CEACAM21: variants seen among roughly 807,000 people sequenced by gnomAD.
CEACAM21 encodes cell adhesion molecule CEACAM21.
A neutral mutation model predicts 33.2 loss-of-function variants in CEACAM21; 38 were observed. The ratio of observed to expected loss-of-function variants is 1.14; its 90% CI spans 0.88 to 1.50. The LOEUF (loss-of-function observed/expected upper bound fraction) is 1.50. Among genes scored for constraint, CEACAM21 ranks in the 40% most tolerant of loss-of-function variants. CEACAM21 has a pLI of 0.00. For synonymous variants in CEACAM21, 156 were observed against 143.0 expected (o/e 1.09, Z -0.65); for missense variants, 385 against 364.6 (o/e 1.06, Z -0.46).
At chr19:41,579,249 A>G (rs782722813) in intron 2 of CEACAM21, 104 bp from the exon 3 acceptor site, 5 of 1,590,348 alleles carry the variant, frequency 3.1e-6, no homozygotes, top group East Asian at 2.3e-5. Context: ...CCTGTCCTTC[A>G]TCTTTCTCCT....
chr19:41,555,664 T>A (rs117166918), intron 1 of CEACAM21, among the ~76,000 whole-genome samples: 2 of 152,004 alleles, frequency 1.3e-5, no homozygotes, highest in East Asian at 3.8e-4. Flanking sequence ...ACACAATTTT[T>A]CCACACTGCA....
At chr19:41,570,715 C>A (rs1860255) in intron 2 of CEACAM21, among the ~76,000 whole-genome samples, 5 of 152,034 alleles carry the variant, frequency 3.3e-5, no homozygotes, top group African/African-American at 1.2e-4. Flanking sequence ...AAATCTAGAG[C>A]GTGGAGGGCT....
At chr19:41,581,555 G>A (rs2043388198) in intron 3 of CEACAM21, among the ~76,000 whole-genome samples, 1 of 152,148 alleles carries the variant, frequency 6.6e-6, no homozygotes, top group Non-Finnish European at 1.5e-5. Context: ...TGCTGATAAA[G>A]ACATACCTGA....
At chr19:41,577,597 A>G (rs1279496764) in intron 2 of CEACAM21, 38 bp downstream of exon 2, 5 of 1,606,220 alleles carry the variant, frequency 3.1e-6, no homozygotes, top group East Asian at 2.2e-5. Flanking sequence ...GTTGGGGGTC[A>G]GTTCTGCTTC....
Position 41,577,336 on chromosome 19 carries a change from G to A in CEACAM21, c.201G>A (p.Trp67Ter), listed in dbSNP as rs782741555. 9 of 1,614,056 alleles carry A rather than the reference G, an allele frequency of 5.6e-6. 1 individual carries two copies. The South Asian group carries it at 8.8e-5, about 16-fold the overall frequency. The stretch of plus-strand genomic sequence containing the variant: ...CCGAGAATCTTTACAGCTATGGCTG[G>A]TACAAAGGGAAAACGGTGGAGCCCA... Reference protein sequence around the residue: ...YLPENLYSYGWYKGKTVEPNQ... With the variant: ...YLPENLYSYG Residue 67 changes from tryptophan to a stop codon, truncating the protein, a stop_gained, in exon 2 of 7, where the codon TGG becomes TGA. Coordinates refer to ENST00000401445, the MANE Select transcript of CEACAM21 (RefSeq NM_001098506.4). LOFTEE classifies it high-confidence loss of function.
rs2042933617 is a variant in CEACAM21 at position 41,576,254 on chromosome 19, A to G, written c.-21A>G. 1 of 1,613,906 alleles carries G rather than the reference A, an allele frequency of 6.2e-7. No individual in the cohort carries two copies. On this transcript the variant is annotated 5_prime_UTR_variant, in exon 1 of 7. Coordinates refer to ENST00000401445, the MANE Select transcript of CEACAM21 (RefSeq NM_001098506.4). ...CCCAAGCTCCTCTCCACAGAGGAGG[A>G]CAGAGCAGGCAGCAGAGACCATGGG...
chr19:41,577,554 T>A lies in CEACAM21; in HGVS notation c.419T>A (p.Val140Glu). ...QIEQASHHLR[V>E]YESVAQPSIQ... ...GAACAGGCATCTCACCATCTCCGTG[T>A]ATACGGTGAGTGATTCCTCCGTGCC... The change falls in exon 2 of 7, where the codon GTA becomes GAA. Residue 140 changes from valine to glutamate, a missense_variant. Coordinates refer to ENST00000401445, the MANE Select transcript of CEACAM21 (RefSeq NM_001098506.4). 1 of 1,613,358 alleles carries A rather than the reference T, an allele frequency of 6.2e-7. No homozygotes were observed. The highest frequency in any genetic ancestry group is 8.5e-7 in the Non-Finnish European group (1 of 1,179,868).
At chr19:41,572,523 C>T (rs57332324), upstream of CEACAM21, among the ~76,000 whole-genome samples, 170 of 152,238 alleles carry the variant, frequency 1.1e-3, 1 homozygote, top group African/African-American at 3.8e-3. Flanking sequence ...AGGCACCAAC[C>T]CCGATGCCCT....
chr19:41,564,117 C>T (rs2042087299), intron 1 of CEACAM21, among the ~76,000 whole-genome samples: 2 of 152,046 alleles, frequency 1.3e-5, no homozygotes, highest in African/African-American at 4.8e-5. Flanking sequence ...GGTGAGCAAT[C>T]GTAGAAATTC....
intron 2 of CEACAM21, among the ~76,000 whole-genome samples, chr19:41,567,954 T>C (rs2042372785): frequency 1.3e-5 from 2 of 151,954 alleles, no homozygotes; most frequent in Admixed American, 6.6e-5. Flanking sequence ...TGTTTTGGGA[T>C]TGGCTTCCTT....
intron 4 of CEACAM21, among the ~76,000 whole-genome samples, chr19:41,585,115 C>T (rs1380126460): frequency 6.6e-6 from 1 of 152,136 alleles, no homozygotes; most frequent in Non-Finnish European, 1.5e-5. Context: ...CCCTGCTTTC[C>T]CCCTGGTGCC....
chr19:41,557,441 A>T (rs1600142248), intron 1 of CEACAM21, among the ~76,000 whole-genome samples: 1 of 152,248 alleles, frequency 6.6e-6, no homozygotes, highest in Non-Finnish European at 1.5e-5. Flanking sequence ...ATTATATTGT[A>T]GTTGGTAAAT....
At chr19:41,584,687 C>T (rs80270538) in intron 4 of CEACAM21, among the ~76,000 whole-genome samples, 1 of 152,284 alleles carries the variant, frequency 6.6e-6, no homozygotes, top group East Asian at 1.9e-4. Context: ...TCCTAGTTTC[C>T]TAGCACAGCA....
At chr19:41,566,841 T>C (rs1241531040) in intron 2 of CEACAM21, among the ~76,000 whole-genome samples, 2 of 152,218 alleles carry the variant, frequency 1.3e-5, no homozygotes, top group African/African-American at 4.8e-5. Flanking sequence ...TACTGATTAT[T>C]GCTCTATTCA....
intron 1 of CEACAM21, chr19:41,549,560 C>A (rs1345451627): frequency 1.3e-5 from 2 of 152,162 alleles, no homozygotes; most frequent in African/African-American, 2.4e-5. Flanking sequence ...CAGGTATTAG[C>A]TTTTCTCTTT....
At chr19:41,550,437 C>A (rs1555783915) in intron 1 of CEACAM21, 1 of 152,164 alleles carries the variant, frequency 6.6e-6, no homozygotes, top group Non-Finnish European at 1.5e-5. Flanking sequence ...GAAAAAATCA[C>A]GTACAAAATA....
chr19:41,581,976 C>T (rs2043427256), intron 3 of CEACAM21, among the ~76,000 whole-genome samples: 1 of 152,192 alleles, frequency 6.6e-6, no homozygotes, highest in South Asian at 2.1e-4. Flanking sequence ...ACCCAAAAGT[C>T]CAAGTCCAAA....
At position 41,585,884 on chromosome 19, in the gene CEACAM21, GTTCCCAA is replaced by G; in HGVS notation, c.*15_*21del. The G allele has an allele frequency of 6.2e-7, 1 of 1,612,344 alleles. No individual in the cohort carries two copies. Among genetic ancestry groups the G allele is most frequent in the Non-Finnish European group, 8.5e-7 (1 of 1,179,206 alleles). On this transcript the variant is annotated intron_variant, in intron 6 of 6. Coordinates refer to ENST00000401445, the MANE Select transcript of CEACAM21 (RefSeq NM_001098506.4). Reference sequence around the variant, plus strand: ...CTCCATCTCCTAGGTAAGACTGTCCGTTCCCAATCCCATTTCCACTGGGGCCCCAGCT... The same window carrying G: ...CTCCATCTCCTAGGTAAGACTGTCCGTCCCATTTCCACTGGGGCCCCAGCT...
chr19:41,559,716 GACAA>G (rs1568582123), intron 1 of CEACAM21, among the ~76,000 whole-genome samples: 3 of 152,184 alleles, frequency 2.0e-5, no homozygotes, highest in South Asian at 4.1e-4. Context: ...ACAGACAACA[GACAA>G]TGAAAGGACA....
Sources: gnomAD v4.1 joint callset for allele counts (sites outside exome capture counted in the v4.1 genomes callset) on GRCh38, gnomAD v4.1.1 for gene constraint, MANE v1.5 for transcripts, NCBI Gene and HGNC (gene_info 2026-07-23, HGNC 2026-07-21) for gene names.